The following HECW2 variants were observed in gnomAD, a reference collection of about 807,000 sequenced individuals.
HECW2 encodes the protein HECT, C2 and WW domain containing E3 ubiquitin protein ligase 2.
A neutral mutation model predicts 175.2 loss-of-function variants in HECW2; 61 were observed. That is an observed-to-expected ratio of 0.35 (90% CI 0.28 to 0.43). HECW2 has a LOEUF of 0.43. Ranked by LOEUF, HECW2 falls within the 20% of genes least tolerant of loss-of-function variation. The pLI, the probability that HECW2 is intolerant of heterozygous loss-of-function variation, is 1.00. For synonymous variants in HECW2, 671 were observed against 731.0 expected (o/e 0.92, Z 1.32); for missense variants, 1,524 against 2,000.5 (o/e 0.76, Z 4.54).
At chr2:196,462,269 G>A (rs1380862877) in intron 1 of HECW2, among the ~76,000 whole-genome samples, 5 of 152,112 alleles carry the variant, frequency 3.3e-5, no homozygotes, top group African/African-American at 1.2e-4. Flanking sequence ...TTTGATGGGG[G>A]AAAATGGGAA....
At chr2:196,510,937 T>G (rs1687929010) in intron 1 of HECW2, among the ~76,000 whole-genome samples, 1 of 151,506 alleles carries the variant, frequency 6.6e-6, no homozygotes, top group Admixed American at 6.6e-5. Flanking sequence ...TTGTTTGGGG[T>G]TTTTTTCTTG....
chr2:196,222,448 C>T (rs2105821939), intron 23 of HECW2, 108 bp from the exon 24 acceptor site: 1 of 953,028 alleles, frequency 1.0e-6, no homozygotes, highest in Non-Finnish European at 1.5e-6. Flanking sequence ...AGAGCCACTA[C>T]ATAGGCAGTG....
At chr2:196,446,061 C>G (rs1476706859) in intron 1 of HECW2, among the ~76,000 whole-genome samples, 1 of 152,144 alleles carries the variant, frequency 6.6e-6, no homozygotes, top group South Asian at 2.1e-4. Flanking sequence ...AAGCCAAAAC[C>G]CTTACAGTGG....
At chr2:196,359,077 CTATGTGT>C (rs1693490977) in intron 2 of HECW2, among the ~76,000 whole-genome samples, 1 of 152,190 alleles carries the variant, frequency 6.6e-6, no homozygotes, top group Non-Finnish European at 1.5e-5. Context: ...TACCTTGTCA[CTATGTGT>C]GTAAAGAGTT....
At chr2:196,535,683 G>A (rs753870867) in intron 1 of HECW2, among the ~76,000 whole-genome samples, 4 of 152,146 alleles carry the variant, frequency 2.6e-5, no homozygotes, top group Non-Finnish European at 5.9e-5. Flanking sequence ...TCTCCTCATC[G>A]ATCCCAAATC....
At chr2:196,551,347 T>C (rs1381931931) in intron 1 of HECW2, among the ~76,000 whole-genome samples, 1 of 152,176 alleles carries the variant, frequency 6.6e-6, no homozygotes, top group Non-Finnish European at 1.5e-5. Flanking sequence ...AAAGAAATAG[T>C]AAGTAAATAC....
At chr2:196,347,170 A>G (rs1054680456) in intron 2 of HECW2, among the ~76,000 whole-genome samples, 1 of 149,744 alleles carries the variant, frequency 6.7e-6, no homozygotes, top group Non-Finnish European at 1.5e-5. Context: ...CTCCTGCCTC[A>G]GCCTCCCGAG....
intron 1 of HECW2, among the ~76,000 whole-genome samples, chr2:196,555,100 A>T (rs16853836): frequency 0.081 from 12,379 of 152,254 alleles, 657 homozygotes; most frequent in South Asian, 0.15. Context: ...GAATGAACAG[A>T]TTCCACTGAA....
chr2:196,319,926 C>G, intron 8 of HECW2, 22 bp from the exon 9 acceptor site: 4 of 1,552,098 alleles, frequency 2.6e-6, no homozygotes, highest in Non-Finnish European at 3.5e-6. Context: ...AACAGCATTT[C>G]TAAAAAATTA....
At chr2:196,538,975 A>G (rs1296102150) in intron 1 of HECW2, among the ~76,000 whole-genome samples, 1 of 152,220 alleles carries the variant, frequency 6.6e-6, no homozygotes, top group East Asian at 1.9e-4. Flanking sequence ...AAAGACACCA[A>G]GTGCTTCCAA....
chr2:196,323,432 A>T (rs950399665), intron 6 of HECW2, among the ~76,000 whole-genome samples: 1 of 152,320 alleles, frequency 6.6e-6, no homozygotes, highest in South Asian at 2.1e-4. Flanking sequence ...ATCTAACCTA[A>T]ATTATTTCAC....
At chr2:196,274,193 A>G in intron 15 of HECW2, 70 bp from the exon 16 acceptor site, 1 of 1,113,156 alleles carries the variant, frequency 9.0e-7, no homozygotes, top group Non-Finnish European at 1.4e-6. Flanking sequence ...TCCCAAACCA[A>G]GTTGTTCAAA....
chr2:196,249,412 C>T (rs1166312445), intron 19 of HECW2, among the ~76,000 whole-genome samples: 2 of 152,072 alleles, frequency 1.3e-5, no homozygotes, highest in Non-Finnish European at 2.9e-5. Flanking sequence ...TTTCCAAAGC[C>T]CCTCTCTCTT....
intron 1 of HECW2, among the ~76,000 whole-genome samples, chr2:196,486,455 C>T (rs1355049275): frequency 6.6e-6 from 1 of 152,064 alleles, no homozygotes; most frequent in Non-Finnish European, 1.5e-5. Context: ...CCCCTGGGCT[C>T]AGAGAAAAAC....
chr2:196,389,662 A>C (rs1575491200), intron 2 of HECW2, among the ~76,000 whole-genome samples: 1 of 152,228 alleles, frequency 6.6e-6, no homozygotes, highest in African/African-American at 2.4e-5. Context: ...CCAGAAAGGC[A>C]GACTAAATTG....
intron 2 of HECW2, among the ~76,000 whole-genome samples, chr2:196,426,340 C>T (rs907783100): frequency 2.6e-5 from 4 of 152,114 alleles, no homozygotes; most frequent in African/African-American, 9.7e-5. Flanking sequence ...TCCATAATGG[C>T]TGTACTAATT....
At chr2:196,470,036 A>T (rs1697131764) in intron 1 of HECW2, among the ~76,000 whole-genome samples, 1 of 152,126 alleles carries the variant, frequency 6.6e-6, no homozygotes, top group Non-Finnish European at 1.5e-5. Flanking sequence ...AATAATATAC[A>T]TATTCACTAT....
At chr2:196,580,713 A>G (rs1329584672) in intron 1 of HECW2, among the ~76,000 whole-genome samples, 7 of 151,984 alleles carry the variant, frequency 4.6e-5, no homozygotes. Flanking sequence ...TACATCGATT[A>G]GAATATAAAA....
intron 17 of HECW2, chr2:196,258,157 A>G (rs1208723756): frequency 4.2e-6 from 2 of 478,112 alleles, no homozygotes; most frequent in Non-Finnish European, 7.5e-6. Context: ...TGGCTTCATC[A>G]TTTTGCTGCC....
Sources: gnomAD v4.1 joint callset for allele counts (sites outside exome capture counted in the v4.1 genomes callset) on GRCh38, gnomAD v4.1.1 for gene constraint, MANE v1.5 for transcripts, NCBI Gene and HGNC (gene_info 2026-07-23, HGNC 2026-07-21) for gene names.